SYCP1: variants seen among roughly 807,000 people sequenced by gnomAD.
SYCP1 encodes the protein synaptonemal complex protein 1.
In SYCP1, 64 loss-of-function variants were observed where a neutral mutation model predicts 153.1. The observed-to-expected ratio is 0.42, with a 90% CI of 0.34 to 0.51. SYCP1 has a LOEUF of 0.51. SYCP1 is among the 20% of genes least tolerant of loss of function. The pLI is 0.06. For synonymous variants in SYCP1, 384 were observed against 341.8 expected, an observed-to-expected ratio of 1.12 and a Z score of -1.36; for missense variants, 997 against 1,049.0, an observed-to-expected ratio of 0.95 and a Z score of 0.68.
chr1:114,993,444 G>A (rs1216932195), intron 30 of SYCP1, among the ~76,000 whole-genome samples: 1 of 151,472 alleles, frequency 6.6e-6, no homozygotes, highest in East Asian at 1.9e-4. Context: ...TCTGGAGCCA[G>A]ATTACCTGAA....
intron 27 of SYCP1, among the ~76,000 whole-genome samples, chr1:114,971,403 AG>A (rs1271377653): frequency 1.1e-4 from 17 of 152,070 alleles, no homozygotes; most frequent in Admixed American, 9.2e-4. Flanking sequence ...TGGCATTGAC[AG>A]GCCTCACCCA....
Position 114,934,476 on chromosome 1 carries a change from C to T in SYCP1, c.1926+7913C>T, listed in dbSNP as rs753414079. ...AAACATGCCAAATTATAAAGACCAT[C>T]GATGCTAGGAAGAAACTGCATCAAA... On this transcript the variant is annotated intron_variant, in intron 23 of 31. Transcript: ENST00000369522. Among the ~76,000 whole-genome samples the T allele has an allele frequency of 1.0e-3, 154 of 152,214 alleles. 1 individual carries two copies. The highest frequency in any genetic ancestry group is 1.6e-3 in the Non-Finnish European group (109 of 68,006).
At chr1:114,981,205 C>T (rs1673131185) in intron 28 of SYCP1, 131 bp from the exon 29 acceptor site, 3 of 634,908 alleles carry the variant, frequency 4.7e-6, no homozygotes, top group Non-Finnish European at 7.8e-6. Context: ...CTTATCTAGT[C>T]AGTGATAAAT....
At chr1:114,938,445 G>A (rs1304118843) in intron 23 of SYCP1, among the ~76,000 whole-genome samples, 1 of 151,874 alleles carries the variant, frequency 6.6e-6, no homozygotes, top group Non-Finnish European at 1.5e-5. Context: ...TATACCTAAT[G>A]TAAATGACGA....
chr1:114,944,295 C>T (rs1199838827), intron 23 of SYCP1, 44 bp from the exon 24 acceptor site: 1 of 1,065,582 alleles, frequency 9.4e-7, no homozygotes, highest in Non-Finnish European at 1.4e-6. Flanking sequence ...TTCAAGTAAT[C>T]CATAGCATTT....
intron 27 of SYCP1, among the ~76,000 whole-genome samples, chr1:114,954,268 G>T (rs1671290206): frequency 6.6e-6 from 1 of 151,986 alleles, no homozygotes; most frequent in South Asian, 2.1e-4. Flanking sequence ...CTTATTATTA[G>T]TGGTGGTCAT....
intron 8 of SYCP1, among the ~76,000 whole-genome samples, chr1:114,866,446 T>G (rs1664750818): frequency 6.6e-6 from 1 of 152,150 alleles, no homozygotes; most frequent in Non-Finnish European, 1.5e-5. Context: ...GATGGGAATC[T>G]TTTCATGTGA....
intron 16 of SYCP1, among the ~76,000 whole-genome samples, chr1:114,904,357 C>G (rs996255232): frequency 6.6e-6 from 1 of 152,132 alleles, no homozygotes; most frequent in African/African-American, 2.4e-5. Context: ...ACCTTGTGAT[C>G]TGCCCACCTC....
intron 10 of SYCP1, 97 bp downstream of exon 10, chr1:114,876,235 T>G: frequency 2.9e-6 from 2 of 691,258 alleles, no homozygotes; most frequent in Non-Finnish European, 4.4e-6. Context: ...AGCCTGATGC[T>G]CTGAACTATT....
Position 114,926,483 on chromosome 1 carries a change from T to TAA in SYCP1, c.1864-17_1864-16insAA, listed in dbSNP as rs1669254513. ...GAATAACTTTAGTACTAAATATAAT[T>TAA]ATTTTTAATTTTAACAGAATAAGGC... is the stretch of plus-strand genomic sequence containing the variant. On this transcript the variant is annotated splice_polypyrimidine_tract_variant and intron_variant, in intron 22 of 31. Transcript: ENST00000369522. 5.8e-6 allele frequency: 9 copies of TAA among 1,541,528 alleles called. No individual in the cohort carries two copies. Among genetic ancestry groups the TAA allele is most frequent in the Non-Finnish European group, 7.9e-6 (9 of 1,145,340 alleles).
At chr1:114,874,647 T>C in intron 9 of SYCP1, 83 bp downstream of exon 9, 1 of 764,148 alleles carries the variant, frequency 1.3e-6, no homozygotes, top group Non-Finnish European at 2.1e-6. Context: ...TATGGACAAC[T>C]ATTCTTACTA....
In SYCP1 at chr1:114,971,390, A is replaced by T. The variant is rs139307158; in HGVS notation, c.2323-6167A>T. Among the ~76,000 whole-genome samples the T allele has an allele frequency of 1.7e-3, 257 of 152,094 alleles. 1 individual carries two copies. The highest frequency in any genetic ancestry group is 6.0e-3 in the African/African-American group (247 of 41,510). On this transcript the variant is annotated intron_variant, in intron 27 of 31. Coordinates refer to ENST00000369522, the MANE Select transcript of SYCP1 (RefSeq NM_003176.4). ...CAGTTCGCCAGGGAAGTAGGGGGAA[A>T]GTTGGCATTGACAGGCCTCACCCAG...
At chr1:114,898,527 T>C (rs1213935499) in intron 16 of SYCP1, among the ~76,000 whole-genome samples, 2 of 152,176 alleles carry the variant, frequency 1.3e-5, no homozygotes, top group South Asian at 4.1e-4. Flanking sequence ...ATCTGGAGAA[T>C]GCTGCTTGGT....
At position 114,858,663 on chromosome 1, in the gene SYCP1, A is replaced by G; in HGVS notation, c.408A>G (p.Glu136=). 6.2e-7 allele frequency: 1 copy of G among 1,612,420 alleles called. No individual in the cohort carries two copies. Among genetic ancestry groups the G allele is most frequent in the Non-Finnish European group, 8.5e-7 (1 of 1,179,348 alleles). ...GACAGAAAGAAAGTAAGTTGCAAGA[A>G]AACAGAAAGATAATTGAAGCACAGC... ...ELRQKESKLQ[E]NRKIIEAQRK... The change falls in exon 6 of 32, where the codon GAA becomes GAG. Residue 136 remains glutamate, a synonymous_variant. Coordinates refer to ENST00000369522, the MANE Select transcript of SYCP1 (RefSeq NM_003176.4).
chr1:114,929,734 T>G (rs746360857), intron 23 of SYCP1, among the ~76,000 whole-genome samples: 1 of 152,038 alleles, frequency 6.6e-6, no homozygotes, highest in East Asian at 1.9e-4. Context: ...AAAAACTTGA[T>G]AAAATGAGCA....
chr1:114,985,735 A>C (rs1185595507), intron 30 of SYCP1, among the ~76,000 whole-genome samples: 1 of 151,878 alleles, frequency 6.6e-6, no homozygotes, highest in Admixed American at 6.6e-5. Flanking sequence ...TTTTATAGAT[A>C]ATTATCAACA....
intron 27 of SYCP1, among the ~76,000 whole-genome samples, chr1:114,962,174 A>ACT (rs1671825622): frequency 6.6e-6 from 1 of 151,826 alleles, no homozygotes; most frequent in Admixed American, 6.6e-5. Context: ...TAGTAGAGAC[A>ACT]GGGTTTCGCT....
chr1:114,864,491 C>A (rs941522134), intron 8 of SYCP1, among the ~76,000 whole-genome samples: 1 of 151,558 alleles, frequency 6.6e-6, no homozygotes, highest in African/African-American at 2.4e-5. Flanking sequence ...TCTTTCTTTT[C>A]TTTTTTTGAT....
chr1:114,953,436 T>A (rs1003354308), intron 27 of SYCP1, among the ~76,000 whole-genome samples: 1 of 152,216 alleles, frequency 6.6e-6, no homozygotes, highest in Admixed American at 6.5e-5. Flanking sequence ...TGTAAAAGCT[T>A]TAGAATTTTA....
Sources: gnomAD v4.1 joint callset for allele counts (sites outside exome capture counted in the v4.1 genomes callset) on GRCh38, gnomAD v4.1.1 for gene constraint, MANE v1.5 for transcripts, NCBI Gene and HGNC (gene_info 2026-07-23, HGNC 2026-07-21) for gene names.